Variants in INTS5 observed in about 807,000 individuals in gnomAD.
The protein encoded by INTS5 is integrator complex subunit 5.
A neutral mutation model predicts 60.0 loss-of-function variants in INTS5; 29 were observed. The ratio of observed to expected loss-of-function variants is 0.48; its 90% CI spans 0.36 to 0.66. INTS5 has a LOEUF of 0.66. Among genes scored for constraint, INTS5 ranks in the 30% least tolerant of loss-of-function variants. The pLI is 0.00. For synonymous variants in INTS5, 588 were observed against 558.8 expected, an observed-to-expected ratio of 1.05 and a Z score of -0.74; for missense variants, 1,129 against 1,307.9, an observed-to-expected ratio of 0.86 and a Z score of 2.11.
rs748912741 is a variant in INTS5, at chr11:62,648,597, G to A, written c.1483C>T (p.Arg495Cys). The stretch of plus-strand genomic sequence containing the variant: ...AAGAGCTGGTGCTGCCAGAGGAAGC[G>A]CTTCCGTTCCAATCGTAACGTCTCT... ...CGETLRLERK[R>C]FLWQHQLLGL... Residue 495 changes from arginine (R) to cysteine (C), a missense_variant, in exon 2 of 2, where the codon CGC (arginine) becomes TGC (cysteine). This residue lies in a region of INTS5 where 1,070 missense variants were observed against 1,246.1 expected (regional missense o/e 0.86). Transcript: ENST00000330574. The surrounding 1 kb of genome is among the most constrained non-coding windows in gnomAD (Gnocchi z 4.4). 2.5e-5 allele frequency: 40 copies of A among 1,613,970 alleles called. No homozygotes were observed. The highest frequency in any genetic ancestry group is 3.0e-5 in the Non-Finnish European group (35 of 1,180,024).
Position 62,648,674 on chromosome 11 carries a change from C to G in INTS5, c.1406G>C (p.Arg469Pro), listed in dbSNP as rs778593558. ...GAGCGCATCTAAAAAGGGCACCAAG[C>G]GGGGAGGTGGGGGCGGGCCTAGCAC... ...EGVLGPPPPP[R>P]LVPFLDALKN... The change falls in exon 2 of 2, where the codon CGC becomes CCC. Residue 469 changes from arginine (R) to proline (P), a missense_variant. Coordinates refer to ENST00000330574, the MANE Select transcript of INTS5 (RefSeq NM_030628.2). The surrounding 1 kb of genome is among the most constrained non-coding windows in gnomAD (Gnocchi z 4.4). The G allele has an allele frequency of 8.1e-6, 13 of 1,613,906 alleles. No individual in the cohort carries two copies. The African/African-American group carries it at 1.1e-4, about 13-fold the overall frequency.
In INTS5 at chr11:62,649,819, G is replaced by T. The variant is rs778622213; in HGVS notation, c.261C>A (p.Ala87=). 2.5e-6 allele frequency: 4 copies of T among 1,614,106 alleles called. No homozygotes were observed. Among genetic ancestry groups the T allele is most frequent in the Non-Finnish European group, 3.4e-6 (4 of 1,179,968 alleles). Residue 87 remains alanine, a synonymous_variant, in exon 2 of 2, where the codon GCC becomes GCA. Transcript: ENST00000330574. This position sits in a 1 kb window ranked among gnomAD's most constrained non-coding sequence, Gnocchi z 6.0. The part of the protein sequence containing the change: ...LRGVFDESVR[A]HLAALDETPV... ...GGGTTTCATCCAGGGCAGCCAGGTGGGCCCGGACACTCTCATCAAAGACAC... is the reference window on the plus strand; with the variant it reads ...GGGTTTCATCCAGGGCAGCCAGGTGTGCCCGGACACTCTCATCAAAGACAC...
Position 62,649,372 on chromosome 11 carries a change from G to A in INTS5, c.708C>T (p.Gly236=), listed in dbSNP as rs770667734. 3 of 1,614,168 alleles carry A rather than the reference G, an allele frequency of 1.9e-6. No homozygotes were observed. Among genetic ancestry groups the A allele is most frequent in the Admixed American group, 3.3e-5 (2 of 60,006 alleles). The part of the protein sequence containing the change: ...VVAHIGSSFP[G]TIISRVLSCG... Reference sequence around the variant, plus strand: ...AGGAGAGAACCCGGGAAATGATGGTGCCAGGAAAAGAGGAGCCAATATGTG... The same window carrying A: ...AGGAGAGAACCCGGGAAATGATGGTACCAGGAAAAGAGGAGCCAATATGTG... The change falls in exon 2 of 2, where the codon GGC becomes GGT. Residue 236 remains glycine (G), a synonymous_variant. Coordinates refer to ENST00000330574, the MANE Select transcript of INTS5 (RefSeq NM_030628.2). This position sits in a 1 kb window ranked among gnomAD's most constrained non-coding sequence, Gnocchi z 6.0.
chr11:62,650,068 G>A (rs1053557108), intron 1 of INTS5, 69 bp from the exon 2 acceptor site: 3 of 1,264,318 alleles, frequency 2.4e-6, no homozygotes, highest in Admixed American at 2.2e-5. Flanking sequence ...TTTCCTGTAT[G>A]AGCTTTGCCT....
chr11:62,649,580 G>A lies in INTS5; in HGVS notation c.500C>T (p.Pro167Leu). The A allele has an allele frequency of 1.2e-6, 2 of 1,614,162 alleles. No homozygotes were observed. Among genetic ancestry groups the A allele is most frequent in the African/African-American group, 1.3e-5 (1 of 75,056 alleles). ...STYSGQHQRV[P>L]HATGALNELL... is the part of the protein sequence containing the mutation. Reference sequence around the variant, plus strand: ...TTCATTAAGAGCGCCAGTAGCGTGGGGAACACGCTGGTGCTGGCCTGAGTA... The same window carrying A: ...TTCATTAAGAGCGCCAGTAGCGTGGAGAACACGCTGGTGCTGGCCTGAGTA... The change falls in exon 2 of 2, where the codon CCC (proline) becomes CTC (leucine). Residue 167 changes from proline (P) to leucine (L), a missense_variant. Pro to Leu is a moderately conservative substitution (Grantham distance 98). Coordinates refer to ENST00000330574, the MANE Select transcript of INTS5 (RefSeq NM_030628.2). The surrounding 1 kb of genome is among the most constrained non-coding windows in gnomAD (Gnocchi z 6.0).
intron 1 of INTS5, among the ~76,000 whole-genome samples, chr11:62,652,268 G>A (rs1261177149): frequency 6.6e-6 from 1 of 151,494 alleles, no homozygotes; most frequent in African/African-American, 2.4e-5. Context: ...GCAGTAAGCC[G>A]AGATCACGCC....
chr11:62,650,095 A>G lies in INTS5; in HGVS notation c.81-96T>C, dbSNP rs1042498901. Reference sequence around the variant, plus strand: ...GCTTTGCCTTTTATGTTAAATAGGGATAATAAAAATACTTCCCTCATAAGA... The same window carrying G: ...GCTTTGCCTTTTATGTTAAATAGGGGTAATAAAAATACTTCCCTCATAAGA... On this transcript the variant is annotated intron_variant, in intron 1 of 1. Transcript: ENST00000330574. 6.3e-6 allele frequency: 6 copies of G among 950,822 alleles called. No homozygotes were observed. In the African/African-American group the frequency reaches 1.0e-4, roughly 16 times the overall value. 58.9% of individuals were successfully genotyped at this position (950,822 alleles called of 1,614,324 possible). A position where few individuals can be genotyped will look rare whatever the true frequency, so the allele number is the denominator to read the frequency against.
At position 62,648,501 on chromosome 11, in the gene INTS5, G is replaced by A; in HGVS notation, c.1579C>T (p.Arg527Ter). ...EALGHLLSRA[R>*]SPEELSLATQ... ...GCCAAACTCAACTCTTCAGGGCTTC[G>A]GGCTCGGCTCAGCAGATGGCCCAAG... The change falls in exon 2 of 2, where the codon CGA (arginine) becomes TGA (stop). Residue 527 changes from arginine (R) to a stop codon, truncating the protein, a stop_gained. Coordinates refer to ENST00000330574, the MANE Select transcript of INTS5 (RefSeq NM_030628.2). LOFTEE classifies it high-confidence loss of function. This position sits in a 1 kb window ranked among gnomAD's most constrained non-coding sequence, Gnocchi z 4.4. The A allele has an allele frequency of 1.2e-6, 2 of 1,614,180 alleles. No individual in the cohort carries two copies. The highest frequency in any genetic ancestry group is 1.7e-6 in the Non-Finnish European group (2 of 1,180,044).
intron 1 of INTS5, among the ~76,000 whole-genome samples, chr11:62,651,846 C>A (rs1008894892): frequency 6.6e-6 from 1 of 151,614 alleles, no homozygotes; most frequent in Non-Finnish European, 1.5e-5. Context: ...CTGTGTGCGC[C>A]GTCAAAAAAA....
In INTS5 at chr11:62,648,440, G is replaced by A; in HGVS notation, c.1640C>T (p.Ser547Phe). ...TCGGAAAGCCAGGGGCAGGAGGCCAGAGAGGCTGACCACTAGCCCTGCATA... is the reference window on the plus strand; with the variant it reads ...TCGGAAAGCCAGGGGCAGGAGGCCAAAGAGGCTGACCACTAGCCCTGCATA... The part of the protein sequence containing the change: ...QLYAGLVVSL[S>F]GLLPLAFRSC... The change falls in exon 2 of 2, where the codon TCT (serine) becomes TTT (phenylalanine). Residue 547 changes from serine to phenylalanine, a missense_variant. Ser to Phe is a radical substitution (Grantham distance 155). Transcript: ENST00000330574. This position sits in a 1 kb window ranked among gnomAD's most constrained non-coding sequence, Gnocchi z 4.4. The A allele has an allele frequency of 6.2e-7, 1 of 1,614,218 alleles. No homozygotes were observed. Among genetic ancestry groups the A allele is most frequent in the Non-Finnish European group, 8.5e-7 (1 of 1,180,042 alleles).
chr11:62,649,557 C>G lies in INTS5; in HGVS notation c.523G>C (p.Glu175Gln), dbSNP rs2134581842. Reference protein sequence around the residue: ...RVPHATGALNELLQLWMGCRA... With the variant: ...RVPHATGALNQLLQLWMGCRA... ...CAACCCATCCACAGCTGTAGCAGTT[C>G]ATTAAGAGCGCCAGTAGCGTGGGGA... The change falls in exon 2 of 2, where the codon GAA (glutamate) becomes CAA (glutamine). Residue 175 changes from glutamate to glutamine, a missense_variant. This residue lies in a region of INTS5 where 1,070 missense variants were observed against 1,246.1 expected (regional missense o/e 0.86). Coordinates refer to ENST00000330574, the MANE Select transcript of INTS5 (RefSeq NM_030628.2). This position sits in a 1 kb window ranked among gnomAD's most constrained non-coding sequence, Gnocchi z 6.0. 1 of 1,614,198 alleles carries G rather than the reference C, an allele frequency of 6.2e-7. No homozygotes were observed. Among genetic ancestry groups the G allele is most frequent in the South Asian group, 1.1e-5 (1 of 91,080 alleles).
At position 62,649,963 on chromosome 11, in the gene INTS5, C is replaced by A. The variant is rs139005370; in HGVS notation, c.117G>T (p.Leu39=). ...QELSQEIKAF[L]TGVDPILGHQ... is the part of the protein sequence containing the mutation. ...GGCCCAGAATGGGGTCTACGCCAGT[C>A]AGAAAAGCCTTGATTTCCTGGGACA... is the stretch of plus-strand genomic sequence containing the variant. The change falls in exon 2 of 2, where the codon CTG becomes CTT. Residue 39 remains leucine, a synonymous_variant. Transcript: ENST00000330574. The surrounding 1 kb of genome is among the most constrained non-coding windows in gnomAD (Gnocchi z 6.0). 45 of 1,614,044 alleles carry A rather than the reference C, an allele frequency of 2.8e-5. No homozygotes were observed. The highest frequency in any genetic ancestry group is 3.8e-5 in the Non-Finnish European group (45 of 1,180,036).
In INTS5 at chr11:62,647,596, C is replaced by T. The variant is rs372930226; in HGVS notation, c.2484G>A (p.Glu828=). The change falls in exon 2 of 2, where the codon GAG becomes GAA. Residue 828 remains glutamate (E), a synonymous_variant. Coordinates refer to ENST00000330574, the MANE Select transcript of INTS5 (RefSeq NM_030628.2). ...CGTGTTCCTCGGGGGGCCAGGCCAG[C>T]TCTGCACCAGCTGCATCGGGACACA... ...ESVCPDAAGA[E]LAWPPEEHAR... 17 of 1,614,008 alleles carry T rather than the reference C, an allele frequency of 1.1e-5. No individual in the cohort carries two copies. The African/African-American group carries it at 1.7e-4, about 16-fold the overall frequency.
At position 62,649,491 on chromosome 11, in the gene INTS5, G is replaced by A. The variant is rs1454845375; in HGVS notation, c.589C>T (p.Leu197Phe). 1 of 1,614,124 alleles carries A rather than the reference G, an allele frequency of 6.2e-7. No individual in the cohort carries two copies. Among genetic ancestry groups the A allele is most frequent in the African/African-American group, 1.3e-5 (1 of 74,946 alleles). ...RTLMDIYVQC[L>F]SALIGSCPDA... is the part of the protein sequence containing the mutation. ...GGGCAGCTACCAATGAGAGCCGAGAGGCACTGCACATAGATGTCCATTAAT... is the reference window on the plus strand; with the variant it reads ...GGGCAGCTACCAATGAGAGCCGAGAAGCACTGCACATAGATGTCCATTAAT... Residue 197 changes from leucine to phenylalanine, a missense_variant, in exon 2 of 2, where the codon CTC becomes TTC. Physicochemically the swap from Leu to Phe is conservative, Grantham distance 22. Coordinates refer to ENST00000330574, the MANE Select transcript of INTS5 (RefSeq NM_030628.2). The surrounding 1 kb of genome is among the most constrained non-coding windows in gnomAD (Gnocchi z 6.0).
Position 62,647,053 on chromosome 11 carries a change from A to G in INTS5, c.3027T>C (p.Pro1009=). The G allele has an allele frequency of 6.2e-7, 1 of 1,613,594 alleles. No homozygotes were observed. Among genetic ancestry groups the G allele is most frequent in the Non-Finnish European group, 8.5e-7 (1 of 1,179,578 alleles). ...CCTGTCGAAGGAGAGTGGACGGTGA[A>G]GGTGCCTGGAAACGGCCAGAGAAAA... The part of the protein sequence containing the change: ...LGLFSGRFQA[P]SPSTLLRQGT Residue 1009 remains proline, a synonymous_variant, in exon 2 of 2, where the codon CCT becomes CCC. Coordinates refer to ENST00000330574, the MANE Select transcript of INTS5 (RefSeq NM_030628.2).
chr11:62,646,974 C>A lies in INTS5; in HGVS notation c.*46G>T. 6.7e-7 allele frequency: 1 copy of A among 1,485,666 alleles called. No individual in the cohort carries two copies. 92.0% of individuals were successfully genotyped at this position (1,485,666 alleles called of 1,614,324 possible). A position where few individuals can be genotyped will look rare whatever the true frequency, so the allele number is the denominator to read the frequency against. ...CCTTCCGGAGCACGTTAGTCCCTTCCCTCTCTCACTGCTCAACCTCCCTGG... is the reference window on the plus strand; with the variant it reads ...CCTTCCGGAGCACGTTAGTCCCTTCACTCTCTCACTGCTCAACCTCCCTGG... On this transcript the variant is annotated 3_prime_UTR_variant, in exon 2 of 2. Transcript: ENST00000330574.
Position 62,647,454 on chromosome 11 carries a change from C to A in INTS5, c.2626G>T (p.Val876Leu), listed in dbSNP as rs148477859. The change falls in exon 2 of 2, where the codon GTG becomes TTG. Residue 876 changes from valine (V) to leucine (L), a missense_variant. Val to Leu is a conservative substitution (Grantham distance 32). Coordinates refer to ENST00000330574, the MANE Select transcript of INTS5 (RefSeq NM_030628.2). The part of the protein sequence containing the change: ...AAPPALCYCS[V>L]LLRGLLAALL... ...GCGGCCAGCAGCCCCCGAAGCAGCA[C>A]GGAACAGTAGCACAGGGCTGGGGGT... The A allele has an allele frequency of 2.4e-5, 38 of 1,606,744 alleles. No homozygotes were observed. The highest frequency in any genetic ancestry group is 3.1e-5 in the Non-Finnish European group (37 of 1,175,616).
At position 62,648,660 on chromosome 11, in the gene INTS5, A is replaced by G; in HGVS notation, c.1420T>C (p.Leu474=). The G allele has an allele frequency of 3.1e-6, 5 of 1,613,998 alleles. No individual in the cohort carries two copies. The highest frequency in any genetic ancestry group is 4.2e-6 in the Non-Finnish European group (5 of 1,179,960). The change falls in exon 2 of 2, where the codon TTA becomes CTA. Residue 474 remains leucine, a synonymous_variant. Transcript: ENST00000330574. This position sits in a 1 kb window ranked among gnomAD's most constrained non-coding sequence, Gnocchi z 4.4. ...PPPPPRLVPF[L]DALKNHVGEL... ...CCAACATGGTTTTTGAGCGCATCTAAAAAGGGCACCAAGCGGGGAGGTGGG... is the reference window on the plus strand; with the variant it reads ...CCAACATGGTTTTTGAGCGCATCTAGAAAGGGCACCAAGCGGGGAGGTGGG...
In INTS5 at chr11:62,646,940, AACCTCCACC is replaced by A; in HGVS notation, c.*71_*79del. ...CTTTAGACCAAGGACTTAGAAGAGA[AACCTCCACC>A]CTTCCGGAGCACGTTAGTCCCTTCC... On this transcript the variant is annotated 3_prime_UTR_variant, in exon 2 of 2. Coordinates refer to ENST00000330574, the MANE Select transcript of INTS5 (RefSeq NM_030628.2). 3.4e-6 allele frequency: 4 copies of A among 1,188,282 alleles called. No individual in the cohort carries two copies. The highest frequency in any genetic ancestry group is 2.3e-5 in the Admixed American group (1 of 43,562). 73.6% of individuals were successfully genotyped at this position (1,188,282 alleles called of 1,614,324 possible).
Sources: allele counts gnomAD v4.1 joint callset (sites outside exome capture counted in the v4.1 genomes callset), GRCh38; gene constraint gnomAD v4.1.1; regional missense constraint gnomAD v4.1.1; non-coding constraint Gnocchi (gnomAD v3.1); transcripts MANE v1.5; gene names NCBI Gene and HGNC (gene_info 2026-07-23, HGNC 2026-07-21).